The following TRIM55 variants were observed in gnomAD, a reference collection of about 807,000 sequenced individuals.
TRIM55 encodes tripartite motif containing 55, also known as tripartite motif-containing protein 55.
Under a neutral mutation model 60.9 loss-of-function variants are expected in TRIM55, and 50 were observed. That is an observed-to-expected ratio of 0.82 (90% CI 0.65 to 1.04). TRIM55 has a LOEUF of 1.04. Among genes scored for constraint, TRIM55 ranks in the 50% least tolerant of loss-of-function variants. TRIM55 has a pLI of 0.00. For synonymous variants in TRIM55, 237 were observed against 238.1 expected (o/e 1.00, Z 0.04); for missense variants, 681 against 666.9 (o/e 1.02, Z -0.23).
At chr8:66,136,993 G>T in intron 3 of TRIM55, 102 bp from the exon 4 acceptor site, 3 of 922,462 alleles carry the variant, frequency 3.3e-6, no homozygotes, top group Non-Finnish European at 4.9e-6. Flanking sequence ...GGGTTGCATG[G>T]ATCCTAAATT....
chr8:66,154,260 G>T lies in TRIM55; in HGVS notation c.1450G>T (p.Val484Leu), dbSNP rs755060427. The T allele has an allele frequency of 6.2e-7, 1 of 1,613,346 alleles. No homozygotes were observed. The highest frequency in any genetic ancestry group is 8.5e-7 in the Non-Finnish European group (1 of 1,179,914). Residue 484 changes from valine to leucine, a missense_variant, in exon 9 of 10, where the codon GTG (valine) becomes TTG (leucine). By Grantham distance (32) the Val-to-Leu change is conservative. Transcript: ENST00000315962. ...SEDSNVRKAE[V>L]AAAAASERAA... ...GGATTCGAATGTACGGAAGGCAGAAGTGGCAGCAGCCGCAGCGAGTGAGAG... is the reference window on the plus strand; with the variant it reads ...GGATTCGAATGTACGGAAGGCAGAATTGGCAGCAGCCGCAGCGAGTGAGAG...
chr8:66,124,516 A>G (rs574573922), upstream of TRIM55, among the ~76,000 whole-genome samples: 1 of 152,020 alleles, frequency 6.6e-6, no homozygotes, highest in Non-Finnish European at 1.5e-5. Flanking sequence ...ACCTAACTAC[A>G]CGTCCATCCC....
chr8:66,126,527 G>T (rs1808826108), upstream of TRIM55, among the ~76,000 whole-genome samples: 1 of 152,078 alleles, frequency 6.6e-6, no homozygotes, highest in African/African-American at 2.4e-5. Context: ...ATTTATGCAT[G>T]TATTTATTTA....
the TRIM55 span, chr8:66,114,815 G>A: frequency 1.5e-5 from 5 of 337,588 alleles, no homozygotes; most frequent in African/African-American, 4.3e-5. Flanking sequence ...AGGGGCTGCC[G>A]TTGGAGGAGG....
chr8:66,172,340 C>A (rs530018006), intron 9 of TRIM55, among the ~76,000 whole-genome samples: 1 of 152,256 alleles, frequency 6.6e-6, no homozygotes, highest in African/African-American at 2.4e-5. Context: ...GTTGTTGGGT[C>A]CTCAGTGGAT....
intron 9 of TRIM55, chr8:66,155,632 ATCT>A (rs1271490447): frequency 1.9e-6 from 3 of 1,606,246 alleles, no homozygotes; most frequent in Non-Finnish European, 2.6e-6. Context: ...GGAGTTAGTA[ATCT>A]GCCTAGCGCT....
chr8:66,160,192 T>A (rs994830451), intron 9 of TRIM55, among the ~76,000 whole-genome samples: 1 of 152,206 alleles, frequency 6.6e-6, no homozygotes, highest in African/African-American at 2.4e-5. Context: ...ATTATTCTTA[T>A]GCCTTTGCAT....
chr8:66,127,277 A>G lies in TRIM55; in HGVS notation c.9A>G (p.Ala3=), dbSNP rs144869282. The part of the protein sequence containing the change: MS[A]SLNYKSFSKE... ...TTGGGGACAGCGAGGAGATGAGCGC[A>G]TCTCTGAATTACAAATCTTTTTCCA... The change falls in exon 1 of 10, where the codon GCA becomes GCG. Residue 3 remains alanine, a synonymous_variant. Coordinates refer to ENST00000315962, the MANE Select transcript of TRIM55 (RefSeq NM_184085.2). The G allele has an allele frequency of 1.2e-3, 2,003 of 1,614,086 alleles. 3 individuals carry two copies. The highest frequency in any genetic ancestry group is 1.6e-3 in the Non-Finnish European group (1,912 of 1,179,962).
chr8:66,135,007 A>T lies in TRIM55; in HGVS notation c.359A>T (p.Asp120Val), dbSNP rs757298896. 1 of 1,614,134 alleles carries T rather than the reference A, an allele frequency of 6.2e-7. No individual in the cohort carries two copies. The highest frequency in any genetic ancestry group is 1.7e-5 in the Admixed American group (1 of 60,020). Residue 120 changes from aspartate to valine, a missense_variant, in exon 3 of 10, where the codon GAC becomes GTC. Asp to Val is a radical substitution (Grantham distance 152). Coordinates refer to ENST00000315962, the MANE Select transcript of TRIM55 (RefSeq NM_184085.2). ...QESTRPEKKS[D>V]QPMCEEHEEE... ...CCTCCCAGGCCAGAAAAGAAATCCGACCAGCCCATGTGCGAGGAACATGAA... is the reference window on the plus strand; with the variant it reads ...CCTCCCAGGCCAGAAAAGAAATCCGTCCAGCCCATGTGCGAGGAACATGAA...
chr8:66,143,584 T>G (rs73693918), intron 4 of TRIM55, among the ~76,000 whole-genome samples: 1 of 148,354 alleles, frequency 6.7e-6, no homozygotes, highest in African/African-American at 2.5e-5. Flanking sequence ...GTTTTTGGGT[T>G]TTTTTTTTTT....
chr8:66,138,538 C>T (rs376643855), intron 4 of TRIM55, among the ~76,000 whole-genome samples: 1 of 152,046 alleles, frequency 6.6e-6, no homozygotes, highest in Non-Finnish European at 1.5e-5. Flanking sequence ...TACAGGCTCC[C>T]GCCACCATGC....
At chr8:66,130,109 C>T (rs1809052474) in intron 2 of TRIM55, among the ~76,000 whole-genome samples, 2 of 152,210 alleles carry the variant, frequency 1.3e-5, no homozygotes, top group South Asian at 4.1e-4. Flanking sequence ...AATAGCAATA[C>T]TTGTTATGAA....
intron 2 of TRIM55, among the ~76,000 whole-genome samples, chr8:66,129,763 T>A (rs1586168216): frequency 1.3e-5 from 2 of 152,226 alleles, no homozygotes; most frequent in East Asian, 3.8e-4. Flanking sequence ...ATGAGATTGA[T>A]GCAAAAGTAA....
chr8:66,157,441 C>A (rs1240087986), intron 9 of TRIM55, among the ~76,000 whole-genome samples: 1 of 152,164 alleles, frequency 6.6e-6, no homozygotes, highest in Non-Finnish European at 1.5e-5. Context: ...GTCTGATTCA[C>A]CTTCACCACT....
At chr8:66,114,343 G>C in the TRIM55 span, among the ~76,000 whole-genome samples, 3 of 152,154 alleles carry the variant, frequency 2.0e-5, no homozygotes, top group Non-Finnish European at 4.4e-5. Flanking sequence ...GTCAGGTGAA[G>C]AGTAGGGCGA....
chr8:66,143,573 G>A (rs1809941930), intron 4 of TRIM55, among the ~76,000 whole-genome samples: 1 of 150,884 alleles, frequency 6.6e-6, no homozygotes, highest in Non-Finnish European at 1.5e-5. Flanking sequence ...CTGGTTTCTT[G>A]GTTTTTGGGT....
intron 9 of TRIM55, among the ~76,000 whole-genome samples, chr8:66,158,398 C>G (rs867027714): frequency 2.0e-5 from 3 of 152,088 alleles, no homozygotes; most frequent in South Asian, 2.1e-4. Context: ...ATTCTTCAAG[C>G]CTGAAAAATA....
At chr8:66,114,173 A>C in the TRIM55 span, among the ~76,000 whole-genome samples, 2,168 of 150,772 alleles carry the variant, frequency 0.014, 64 homozygotes, top group African/African-American at 0.05. Context: ...ACAGATAATA[A>C]GCCGTGCCCA....
the TRIM55 span, chr8:66,114,905 T>A: frequency 1.4e-5 from 4 of 286,890 alleles, no homozygotes; most frequent in African/African-American, 8.7e-5. Context: ...ATTAATTGGA[T>A]AAAAGTTCTA....
Sources: gnomAD v4.1 joint callset for allele counts (sites outside exome capture counted in the v4.1 genomes callset) on GRCh38, gnomAD v4.1.1 for gene constraint, MANE v1.5 for transcripts, NCBI Gene and HGNC (gene_info 2026-07-23, HGNC 2026-07-21) for gene names.